Variants in CFAP92 observed in about 807,000 individuals in gnomAD.
The protein encoded by CFAP92 is cilia and flagella associated protein 92 (putative).
In CFAP92, 86 loss-of-function variants were observed where a neutral mutation model predicts 106.3. That is an observed-to-expected ratio of 0.81 (90% CI 0.68 to 0.97). The LOEUF is 0.97. Ranked by LOEUF, CFAP92 falls within the 50% of genes least tolerant of loss-of-function variation. CFAP92 has a pLI of 0.00. For missense variants in CFAP92, 1,204 were observed against 1,283.8 expected (o/e 0.94, Z 0.95); for synonymous variants, 477 against 506.4 (o/e 0.94, Z 0.78).
intron 15 of CFAP92, 181 bp downstream of exon 15, chr3:128,914,938 G>T: frequency 1.6e-6 from 1 of 624,736 alleles, no homozygotes; most frequent in Non-Finnish European, 2.7e-6. Flanking sequence ...ATCCTGGTCT[G>T]AGTTCCAGCC....
intron 11 of CFAP92, among the ~76,000 whole-genome samples, 161 bp from the exon 12 acceptor site, chr3:128,933,158 T>C (rs1938586868): frequency 6.6e-6 from 1 of 152,256 alleles, no homozygotes; most frequent in Non-Finnish European, 1.5e-5. Context: ...CTGCTGAGCC[T>C]GGGCTCCTGG....
intron 9 of CFAP92, among the ~76,000 whole-genome samples, chr3:128,960,237 C>T (rs1484669823): frequency 2.0e-5 from 3 of 152,222 alleles, no homozygotes; most frequent in Admixed American, 6.5e-5. Flanking sequence ...TCTCTTCACA[C>T]GGACGCGCAT....
chr3:128,940,475 T>C (rs1310542558), intron 10 of CFAP92, among the ~76,000 whole-genome samples: 1 of 152,240 alleles, frequency 6.6e-6, no homozygotes, highest in Admixed American at 6.5e-5. Flanking sequence ...TCCACATCCT[T>C]GCCAACACTT....
chr3:128,987,618 G>A lies in CFAP92; in HGVS notation c.665C>T (p.Ser222Leu). Residue 222 changes from serine to leucine, a missense_variant and splice_region_variant, in exon 4 of 16, where the codon TCA becomes TTA. Ser to Leu is a moderately radical substitution (Grantham distance 145, BLOSUM62 -2). Transcript: ENST00000645291. ...CATTTCAAATAAAACCAGAGCACCT[G>A]ACTTATGAAAAGCTCCCACGTCGTC... Reference protein sequence around the residue: ...FTDDVGAFHKSEVRHLVLNQR... With the variant: ...FTDDVGAFHKLEVRHLVLNQR... The A allele has an allele frequency of 6.2e-7, 1 of 1,613,500 alleles. No homozygotes were observed. The highest frequency in any genetic ancestry group is 8.5e-7 in the Non-Finnish European group (1 of 1,179,586).
chr3:128,944,213 G>A (rs1018205372), intron 10 of CFAP92, among the ~76,000 whole-genome samples: 2 of 152,152 alleles, frequency 1.3e-5, no homozygotes, highest in African/African-American at 2.4e-5. Context: ...GATTACAGGC[G>A]TGAGCTACTG....
At chr3:128,999,599 C>T (rs188199319) in intron 1 of CFAP92, among the ~76,000 whole-genome samples, 30 of 132,858 alleles carry the variant, frequency 2.3e-4, no homozygotes, top group Middle Eastern at 5.4e-3. Context: ...AGTGCAATGG[C>T]AGGATCTCAG....
chr3:129,025,404 T>C, the CFAP92 span, among the ~76,000 whole-genome samples: 1 of 152,176 alleles, frequency 6.6e-6, no homozygotes, highest in Non-Finnish European at 1.5e-5. Flanking sequence ...AGGAATCTGA[T>C]GTCCAATCCT....
At chr3:128,943,154 G>A (rs549940410) in intron 10 of CFAP92, among the ~76,000 whole-genome samples, 1 of 152,148 alleles carries the variant, frequency 6.6e-6, no homozygotes, top group South Asian at 2.1e-4. Flanking sequence ...TCCTGACCTC[G>A]TGATCTGCCT....
chr3:129,025,377 G>A, the CFAP92 span, among the ~76,000 whole-genome samples: 2 of 152,284 alleles, frequency 1.3e-5, no homozygotes, highest in East Asian at 3.9e-4. Context: ...GCCACGGGAA[G>A]AGTGTGTAAG....
In CFAP92 at chr3:128,910,337, A is replaced by G. The variant is rs1936133692; in HGVS notation, c.3281-4T>C. ...CTGTTCCCTTTCTTCTTCCTGACTG[A>G]GAGAAGAGGGGGTGAGTGACAGGGG... On this transcript the variant is annotated splice_polypyrimidine_tract_variant and splice_region_variant and intron_variant, in intron 15 of 15. Coordinates refer to ENST00000645291, the MANE Select transcript of CFAP92 (RefSeq NM_001394090.1). 1.4e-6 allele frequency: 2 copies of G among 1,474,006 alleles called. No homozygotes were observed. The highest frequency in any genetic ancestry group is 1.8e-6 in the Non-Finnish European group (2 of 1,115,010). The allele number at this position is 1,474,006 out of a possible 1,614,324, so 91.3% of individuals were successfully genotyped here.
At chr3:128,993,631 C>T (rs1002424117) in intron 1 of CFAP92, 6 of 378,702 alleles carry the variant, frequency 1.6e-5, no homozygotes, top group African/African-American at 1.2e-4. Context: ...ATGCCTGCCC[C>T]AGGTGAGCAG....
chr3:128,978,814 T>C (rs1191768261), intron 4 of CFAP92, among the ~76,000 whole-genome samples: 1 of 152,216 alleles, frequency 6.6e-6, no homozygotes, highest in Admixed American at 6.5e-5. Context: ...TCAAGATGGA[T>C]TGAAGACTTA....
the CFAP92 span, among the ~76,000 whole-genome samples, chr3:129,018,968 T>TA: frequency 6.6e-6 from 1 of 152,172 alleles, no homozygotes; most frequent in Non-Finnish European, 1.5e-5. Flanking sequence ...GGGTGGACAC[T>TA]AGGCTGCCTC....
rs1434490115 is a variant in CFAP92, at chr3:128,942,924, T to TG, written c.2258+2146_2258+2147insC. 3.5e-5 allele frequency among the ~76,000 whole-genome samples: 5 copies of TG among 141,836 alleles called. No homozygotes were observed. The East Asian group carries it at 1.0e-3, about 29-fold the overall frequency. 93.0% of individuals were successfully genotyped at this position (141,836 alleles called of 152,430 possible). A position where few individuals can be genotyped will look rare whatever the true frequency, so the allele number is the denominator to read the frequency against. On this transcript the variant is annotated intron_variant, in intron 10 of 15. Transcript: ENST00000645291. ...CTTGAACAAAACTCAACCTTTTTTTTTTTTTTTTTTTTTTGAGACGGAGTC... is the reference window on the plus strand; with the variant it reads ...CTTGAACAAAACTCAACCTTTTTTTTGTTTTTTTTTTTTTTGAGACGGAGTC...
At chr3:128,997,381 T>C (rs550752572), upstream of CFAP92, among the ~76,000 whole-genome samples, 2 of 152,326 alleles carry the variant, frequency 1.3e-5, no homozygotes, top group East Asian at 3.9e-4. Flanking sequence ...TTCAGTAACT[T>C]TACCTAGTGC....
chr3:128,922,753 CTAT>C (rs773730599), intron 12 of CFAP92, among the ~76,000 whole-genome samples: 4 of 152,152 alleles, frequency 2.6e-5, no homozygotes, highest in Admixed American at 6.5e-5. Context: ...ACAATTCAAC[CTAT>C]TATTACACCT....
At chr3:128,922,068 G>A (rs563975367) in intron 12 of CFAP92, among the ~76,000 whole-genome samples, 50 of 152,264 alleles carry the variant, frequency 3.3e-4, no homozygotes, top group East Asian at 7.7e-4. Context: ...TGCTGGGCGC[G>A]GTGGCTCATG....
intron 9 of CFAP92, among the ~76,000 whole-genome samples, chr3:128,963,727 A>G (rs899976881): frequency 8.7e-5 from 13 of 150,134 alleles, no homozygotes; most frequent in African/African-American, 3.2e-4. Flanking sequence ...GCTATGCTAT[A>G]GTACAAGCCA....
At chr3:129,016,056 G>T in the CFAP92 span, among the ~76,000 whole-genome samples, 1 of 152,302 alleles carries the variant, frequency 6.6e-6, no homozygotes, top group Admixed American at 6.5e-5. Flanking sequence ...GAGAGAAAAA[G>T]ACAGCAGTGA....
Sources: gnomAD v4.1 joint callset for allele counts (sites outside exome capture counted in the v4.1 genomes callset) on GRCh38, gnomAD v4.1.1 for gene constraint, MANE v1.5 for transcripts, NCBI Gene and HGNC (gene_info 2026-07-23, HGNC 2026-07-21) for gene names.